The following TTC32 variants were observed in gnomAD, a reference collection of about 807,000 sequenced individuals.
The protein encoded by TTC32 is tetratricopeptide repeat domain 32.
In TTC32, 16 loss-of-function variants were observed where a neutral mutation model predicts 15.3. The ratio of observed to expected loss-of-function variants is 1.05; its 90% confidence interval spans 0.71 to 1.59. The LOEUF (loss-of-function observed/expected upper bound fraction) is 1.59, where lower values mean the gene tolerates loss of function less well. Among genes scored for constraint, TTC32 ranks in the 40% most tolerant of loss-of-function variants. TTC32 has a pLI of 0.00. For synonymous variants in TTC32, 89 were observed against 67.8 expected, an observed-to-expected ratio of 1.31 and a Z score of -1.53; for missense variants, 188 against 181.9, an observed-to-expected ratio of 1.03 and a Z score of -0.19.
intron 1 of TTC32, among the ~76,000 whole-genome samples, chr2:19,899,731 G>GTATA (rs937547870): frequency 6.6e-6 from 1 of 150,440 alleles, no homozygotes; most frequent in Admixed American, 6.6e-5. Flanking sequence ...TAAAGTGTGT[G>GTATA]TATATATATA....
At chr2:19,898,393 G>A (rs1289753758) in intron 1 of TTC32, 2 of 171,962 alleles carry the variant, frequency 1.2e-5, no homozygotes, top group Non-Finnish European at 1.2e-5. Flanking sequence ...AAGCAAAGAG[G>A]GAAAGCCAGC....
Position 19,901,961 on chromosome 2 carries a change from A to G in TTC32, c.-107T>C. On this transcript the variant is annotated 5_prime_UTR_variant, in exon 1 of 3. Transcript: ENST00000333610. Reference sequence around the variant, plus strand: ...ACCCTGGAATCTACCTTGACAGCCAACCTTGGCGCTAGGTTTGTGCCTTAT... The same window carrying G: ...ACCCTGGAATCTACCTTGACAGCCAGCCTTGGCGCTAGGTTTGTGCCTTAT... 7.2e-7 allele frequency: 1 copy of G among 1,387,482 alleles called. No homozygotes were observed. Among genetic ancestry groups the G allele is most frequent in the Non-Finnish European group, 9.9e-7 (1 of 1,010,064 alleles). 85.9% of individuals were successfully genotyped at this position (1,387,482 alleles called of 1,614,324 possible).
chr2:19,901,055 A>G (rs1268924262), intron 1 of TTC32: 1 of 471,212 alleles, frequency 2.1e-6, no homozygotes, highest in Non-Finnish European at 4.4e-6. Context: ...GAATGGTTCC[A>G]ACACTGACGA....
intron 1 of TTC32, among the ~76,000 whole-genome samples, chr2:19,899,010 AAGT>A (rs1272133115): frequency 6.6e-6 from 1 of 152,212 alleles, no homozygotes; most frequent in Non-Finnish European, 1.5e-5. Flanking sequence ...AGTCCTCCGA[AAGT>A]ATCTGTGAAG....
chr2:19,901,692 C>A lies in TTC32; in HGVS notation c.149+14G>T. Reference sequence around the variant, plus strand: ...ACCCGGGGTCGCCGCGGCCCCAGGTCTCGCGATAGTTACCTCCCGGGACTC... The same window carrying A: ...ACCCGGGGTCGCCGCGGCCCCAGGTATCGCGATAGTTACCTCCCGGGACTC... On this transcript the variant is annotated intron_variant, in intron 1 of 2. Coordinates refer to ENST00000333610, the MANE Select transcript of TTC32 (RefSeq NM_001008237.3). The A allele has an allele frequency of 6.2e-7, 1 of 1,605,570 alleles. No homozygotes were observed. The highest frequency in any genetic ancestry group is 1.1e-5 in the South Asian group (1 of 90,734).
intron 1 of TTC32, chr2:19,901,177 C>T (rs1669596813): frequency 2.3e-6 from 1 of 437,160 alleles, no homozygotes; most frequent in Non-Finnish European, 4.7e-6. Context: ...AACACCTAGA[C>T]GTTCGTTATG....
chr2:19,897,989 G>T lies in TTC32; in HGVS notation c.196C>A (p.Gln66Lys), dbSNP rs1364001271. The T allele has an allele frequency of 1.2e-6, 2 of 1,607,434 alleles. No homozygotes were observed. Among genetic ancestry groups the T allele is most frequent in the South Asian group, 2.2e-5 (2 of 90,528 alleles). ...AAATCAACCCTGAAGTACTTGATTT[G>T]CCCCCTGTTGTTATATGCAGTAGCC... is the stretch of plus-strand genomic sequence containing the variant. ...DLATAYNNRG[Q>K]IKYFRVDFYE... The change falls in exon 2 of 3, where the codon CAA (glutamine) becomes AAA (lysine). Residue 66 changes from glutamine to lysine, a missense_variant. Gln to Lys is a moderately conservative substitution (Grantham distance 53). Coordinates refer to ENST00000333610, the MANE Select transcript of TTC32 (RefSeq NM_001008237.3).
intron 1 of TTC32, chr2:19,901,004 G>A: frequency 2.2e-6 from 1 of 459,576 alleles, no homozygotes; most frequent in South Asian, 1.6e-5. Context: ...AACTAACTGC[G>A]AAAAGGGAAC....
chr2:19,901,414 G>A (rs1669600594), intron 1 of TTC32: 1 of 393,972 alleles, frequency 2.5e-6, no homozygotes, highest in South Asian at 2.8e-5. Context: ...GGCGGGGTGA[G>A]AGGCGGCGGC....
chr2:19,900,286 T>A (rs968488715), intron 1 of TTC32, among the ~76,000 whole-genome samples: 40 of 152,236 alleles, frequency 2.6e-4, no homozygotes, highest in Admixed American at 2.0e-3. Flanking sequence ...TTTACTTATC[T>A]TTTTTATGGG....
chr2:19,897,091 CCTT>C lies in TTC32; in HGVS notation c.349_351del (p.Lys117del), dbSNP rs1158409255. On this transcript the variant is annotated inframe_deletion, in exon 3 of 3. Transcript: ENST00000333610. ...TGAAATCCAGGATTTAAGTCTAAGA[CCTT>C]CTTGAAATCTTCCAAAGCATCATCA... is the stretch of plus-strand genomic sequence containing the variant. 4 of 1,606,008 alleles carry C rather than the reference CCTT, an allele frequency of 2.5e-6. No individual in the cohort carries two copies. The highest frequency in any genetic ancestry group is 4.5e-5 in the East Asian group (2 of 44,164).
At chr2:19,899,680 TTA>T (rs975226469) in intron 1 of TTC32, among the ~76,000 whole-genome samples, 1 of 150,052 alleles carries the variant, frequency 6.7e-6, no homozygotes, top group Non-Finnish European at 1.5e-5. Context: ...AAAATATTTT[TTA>T]TATATATATA....
chr2:19,897,821 A>G, intron 2 of TTC32, 48 bp downstream of exon 2: 1 of 1,370,014 alleles, frequency 7.3e-7, no homozygotes, highest in Non-Finnish European at 9.8e-7. Context: ...GCTCTGAAAT[A>G]ACAGAATACA....
intron 1 of TTC32, 149 bp from the exon 2 acceptor site, chr2:19,898,184 T>C (rs933929545): frequency 6.0e-6 from 4 of 670,748 alleles, no homozygotes; most frequent in Non-Finnish European, 9.2e-6. Flanking sequence ...AACGTACAAA[T>C]AAAGAGCTAA....
At chr2:19,897,389 A>C (rs1262889863) in intron 2 of TTC32, among the ~76,000 whole-genome samples, 1 of 152,170 alleles carries the variant, frequency 6.6e-6, no homozygotes, top group African/African-American at 2.4e-5. Flanking sequence ...AATCATCTTA[A>C]AATTTTAATA....
At position 19,897,954 on chromosome 2, in the gene TTC32, G is replaced by A; in HGVS notation, c.231C>T (p.Ala77=). The A allele has an allele frequency of 6.2e-7, 1 of 1,612,526 alleles. No homozygotes were observed. The highest frequency in any genetic ancestry group is 8.5e-7 in the Non-Finnish European group (1 of 1,178,772). The change falls in exon 2 of 3, where the codon GCC becomes GCT. Residue 77 remains alanine (A), a synonymous_variant. Coordinates refer to ENST00000333610, the MANE Select transcript of TTC32 (RefSeq NM_001008237.3). The part of the protein sequence containing the change: ...IKYFRVDFYE[A]MDDYTSAIEV... Reference sequence around the variant, plus strand: ...CTATGGCAGATGTGTAGTCATCCATGGCTTCATAAAAATCAACCCTGAAGT... The same window carrying A: ...CTATGGCAGATGTGTAGTCATCCATAGCTTCATAAAAATCAACCCTGAAGT...
At position 19,901,912 on chromosome 2, in the gene TTC32, G is replaced by C; in HGVS notation, c.-58C>G. The C allele has an allele frequency of 1.2e-6, 2 of 1,601,016 alleles. No individual in the cohort carries two copies. Among genetic ancestry groups the C allele is most frequent in the Non-Finnish European group, 1.7e-6 (2 of 1,171,772 alleles). On this transcript the variant is annotated 5_prime_UTR_variant, in exon 1 of 3. Transcript: ENST00000333610. Reference sequence around the variant, plus strand: ...GGGGTTGACCTCCGAGCGGTTAGAGGTGGCACCACAAAGCCACTTCCACAC... The same window carrying C: ...GGGGTTGACCTCCGAGCGGTTAGAGCTGGCACCACAAAGCCACTTCCACAC...
intron 1 of TTC32, among the ~76,000 whole-genome samples, chr2:19,900,256 G>T (rs1669579197): frequency 3.3e-5 from 5 of 152,200 alleles, no homozygotes; most frequent in Admixed American, 2.6e-4. Flanking sequence ...CTTGAAACAT[G>T]AATAGTTTCG....
intron 1 of TTC32, 156 bp from the exon 2 acceptor site, chr2:19,898,191 C>T: frequency 1.6e-6 from 1 of 641,184 alleles, no homozygotes; most frequent in Non-Finnish European, 2.4e-6. Context: ...AAATAAAGAG[C>T]TAAAATCAAT....
Sources: allele counts gnomAD v4.1 joint callset (sites outside exome capture counted in the v4.1 genomes callset), GRCh38; gene constraint gnomAD v4.1.1; transcripts MANE v1.5; gene names NCBI Gene and HGNC (gene_info 2026-07-23, HGNC 2026-07-21).